GSTO1: variants seen among roughly 807,000 people sequenced by gnomAD.
GSTO1 encodes glutathione S-transferase omega 1.
GSTO1 carries 27 observed loss-of-function variants against 23.8 expected under a neutral mutation model. That is an observed-to-expected ratio of 1.13 (90% confidence interval 0.83 to 1.56). GSTO1 has a LOEUF of 1.56. GSTO1 is among the 40% of genes most tolerant of loss of function. The probability of loss-of-function intolerance (pLI) is 0.00; values close to 1 mark genes in which losing one functional copy is unlikely to be tolerated. For synonymous variants in GSTO1, 105 were observed against 109.3 expected (o/e 0.96, Z 0.25); for missense variants, 255 against 285.8 (o/e 0.89, Z 0.78).
At chr10:104,259,543 C>A (rs767238375) in intron 2 of GSTO1, 33 bp from the exon 3 acceptor site, 3 of 1,395,488 alleles carry the variant, frequency 2.1e-6, no homozygotes, top group South Asian at 2.3e-5. Flanking sequence ...AAAGTTGTTT[C>A]CTTCTCTTCA....
intron 2 of GSTO1, 101 bp from the exon 3 acceptor site, chr10:104,259,475 T>A: frequency 1.5e-6 from 1 of 672,920 alleles, no homozygotes; most frequent in South Asian, 1.9e-5. Context: ...ACTCCTAAAT[T>A]TGGGGTCTGA....
chr10:104,254,709 G>A (rs628480), upstream of GSTO1: 592,059 of 608,164 alleles, frequency 0.97, 288,233 homozygotes, highest in Admixed American at 0.99. Flanking sequence ...CGTGGGTGCA[G>A]CCCTTGGCCA....
chr10:104,255,221 C>T lies in GSTO1; in HGVS notation c.93C>T (p.Phe31=). The T allele has an allele frequency of 6.2e-7, 1 of 1,613,932 alleles. No homozygotes were observed. The highest frequency in any genetic ancestry group is 1.3e-5 in the African/African-American group (1 of 75,050). The part of the protein sequence containing the change: ...EGSIRIYSMR[F]CPFAERTRLV... Reference sequence around the variant, plus strand: ...CGATCCGCATCTACAGCATGAGGTTCTGCCCGTTTGCTGAGAGGACGCGTC... The same window carrying T: ...CGATCCGCATCTACAGCATGAGGTTTTGCCCGTTTGCTGAGAGGACGCGTC... Residue 31 remains phenylalanine (F), a synonymous_variant, in exon 2 of 6, where the codon TTC becomes TTT. Coordinates refer to ENST00000369713, the MANE Select transcript of GSTO1 (RefSeq NM_004832.3).
intron 4 of GSTO1, among the ~76,000 whole-genome samples, chr10:104,264,514 T>C (rs986858945): frequency 1.3e-5 from 2 of 152,242 alleles, no homozygotes; most frequent in African/African-American, 4.8e-5. Flanking sequence ...TCACCCCCTT[T>C]GGCAAACCCT....
chr10:104,261,683 G>A (rs74154772), intron 3 of GSTO1, among the ~76,000 whole-genome samples: 11,183 of 152,178 alleles, frequency 0.073, 1,363 homozygotes, highest in African/African-American at 0.25. Context: ...GCAGACCCAG[G>A]TGGAAATGTG....
intron 3 of GSTO1, among the ~76,000 whole-genome samples, chr10:104,261,124 C>T (rs1284545451): frequency 6.6e-6 from 1 of 152,082 alleles, no homozygotes; most frequent in Non-Finnish European, 1.5e-5. Context: ...AAAGGGGTAA[C>T]TTTGGAGAGG....
chr10:104,256,232 ATAGAG>A (rs1397791479), intron 2 of GSTO1, among the ~76,000 whole-genome samples: 4 of 152,188 alleles, frequency 2.6e-5, no homozygotes, highest in Non-Finnish European at 4.4e-5. Context: ...TTCTGAACAC[ATAGAG>A]TACTTACTAT....
At chr10:104,262,231 G>A (rs1050270034) in intron 3 of GSTO1, among the ~76,000 whole-genome samples, 11 of 152,220 alleles carry the variant, frequency 7.2e-5, no homozygotes, top group African/African-American at 2.7e-4. Context: ...GGTGTTAGCA[G>A]TTATCTCAGA....
rs2011178773 is a variant in GSTO1 at position 104,266,089 on chromosome 10, G to A, written c.471G>A (p.Leu157=). 4 of 1,543,792 alleles carry A rather than the reference G, an allele frequency of 2.6e-6. No homozygotes were observed. The highest frequency in any genetic ancestry group is 3.6e-6 in the Non-Finnish European group (4 of 1,116,074). ...TTATGCTGTTTAATGTTCAGGTTCT[G>A]ACTAATAAGAAGACGACCTTCTTTG... The part of the protein sequence containing the change: ...RKEFTKLEEV[L]TNKKTTFFGG... The change falls in exon 5 of 6, where the codon CTG becomes CTA. Residue 157 remains leucine, a synonymous_variant. Transcript: ENST00000369713.
chr10:104,254,940 G>A lies in GSTO1; in HGVS notation c.12G>A (p.Glu4=). The A allele has an allele frequency of 1.9e-6, 3 of 1,611,454 alleles. No homozygotes were observed. The highest frequency in any genetic ancestry group is 1.7e-6 in the Non-Finnish European group (2 of 1,179,288). The change falls in exon 1 of 6, where the codon GAG becomes GAA. Residue 4 remains glutamate, a synonymous_variant. Coordinates refer to ENST00000369713, the MANE Select transcript of GSTO1 (RefSeq NM_004832.3). ...TGCGCTGCGCCACGATGTCCGGGGA[G>A]TCAGCCAGGAGCTTGGGGAAGGGTG... MSG[E]SARSLGKGSA... is the part of the protein sequence containing the mutation.
intron 3 of GSTO1, among the ~76,000 whole-genome samples, chr10:104,262,135 T>G (rs1038755087): frequency 9.2e-5 from 14 of 152,186 alleles, no homozygotes; most frequent in African/African-American, 3.4e-4. Flanking sequence ...CTGGTTTTCC[T>G]GGTGAGAGCA....
intron 3 of GSTO1, among the ~76,000 whole-genome samples, chr10:104,262,218 A>G (rs1290699195): frequency 6.6e-6 from 1 of 152,198 alleles, no homozygotes; most frequent in East Asian, 1.9e-4. Flanking sequence ...CATCAGTGCC[A>G]GTGGTGTTAG....
intron 4 of GSTO1, among the ~76,000 whole-genome samples, chr10:104,264,430 G>GA (rs962651459): frequency 1.3e-5 from 2 of 151,720 alleles, no homozygotes; most frequent in South Asian, 2.1e-4. Context: ...ATTATGCATT[G>GA]AAAAAAAACT....
intron 2 of GSTO1, among the ~76,000 whole-genome samples, chr10:104,256,827 C>T (rs2011103808): frequency 6.6e-6 from 1 of 150,820 alleles, no homozygotes; most frequent in South Asian, 2.1e-4. Flanking sequence ...TTCATAGTAA[C>T]AAAAGTTTTT....
chr10:104,265,876 C>T (rs1270563389), intron 4 of GSTO1, among the ~76,000 whole-genome samples: 2 of 152,004 alleles, frequency 1.3e-5, no homozygotes, highest in Non-Finnish European at 2.9e-5. Flanking sequence ...TTTCAATTTT[C>T]CAGTTTATGT....
rs186945293 is a variant in GSTO1 at position 104,263,938 on chromosome 10, C to T, written c.465+861C>T. ...AAATTTTTTTTTTTTTAATGTTTAACCATCCTAGCATTCCTAAGATAAAAC... is the reference window on the plus strand; with the variant it reads ...AAATTTTTTTTTTTTTAATGTTTAATCATCCTAGCATTCCTAAGATAAAAC... On this transcript the variant is annotated intron_variant, in intron 4 of 5. Transcript: ENST00000369713. Among the ~76,000 whole-genome samples, 244 of 148,656 alleles carry T rather than the reference C, an allele frequency of 1.6e-3. 1 individual carries two copies. Among genetic ancestry groups the T allele is most frequent in the Admixed American group, 2.6e-3 (40 of 15,184 alleles).
chr10:104,263,515 C>G (rs764413592), intron 4 of GSTO1, among the ~76,000 whole-genome samples: 1 of 152,112 alleles, frequency 6.6e-6, no homozygotes, highest in Non-Finnish European at 1.5e-5. Context: ...AAATATTTCC[C>G]ACCAGAAAAA....
intron 1 of GSTO1, 44 bp from the exon 2 acceptor site, chr10:104,255,119 C>T (rs763414781): frequency 2.6e-6 from 4 of 1,514,494 alleles, no homozygotes; most frequent in Non-Finnish European, 3.7e-6. Flanking sequence ...CGGGGGGTCT[C>T]GACACCTCTC....
intron 3 of GSTO1, among the ~76,000 whole-genome samples, chr10:104,262,457 TC>T (rs1392560515): frequency 6.6e-6 from 1 of 152,224 alleles, no homozygotes; most frequent in Non-Finnish European, 1.5e-5. Context: ...AAGCCTGTAA[TC>T]CCAGCACTTT....
Sources: gnomAD v4.1 joint callset for allele counts (sites outside exome capture counted in the v4.1 genomes callset) on GRCh38, gnomAD v4.1.1 for gene constraint, MANE v1.5 for transcripts, NCBI Gene and HGNC (gene_info 2026-07-23, HGNC 2026-07-21) for gene names.